Variants in NAV3 observed in about 807,000 individuals in gnomAD.
NAV3 encodes neuron navigator 3.
A neutral mutation model predicts 244.7 loss-of-function variants in NAV3; 87 were observed. That is an observed-to-expected ratio of 0.36 (90% CI 0.30 to 0.42). The LOEUF is 0.42. Ranked by LOEUF, NAV3 falls within the 20% of genes least tolerant of loss-of-function variation. The pLI is 1.00. For synonymous variants in NAV3, 1,126 were observed against 1,042.2 expected, an observed-to-expected ratio of 1.08 and a Z score of -1.55; for missense variants, 2,663 against 2,893.3, an observed-to-expected ratio of 0.92 and a Z score of 1.83.
chr12:78,186,994 A>G (rs1428275700), intron 31 of NAV3, among the ~76,000 whole-genome samples: 1 of 151,866 alleles, frequency 6.6e-6, no homozygotes, highest in Non-Finnish European at 1.5e-5. Context: ...TCCCACCATT[A>G]TGATTTCATT....
At chr12:77,778,387 T>A (rs890379065) in intron 2 of NAV3, among the ~76,000 whole-genome samples, 6 of 151,196 alleles carry the variant, frequency 4.0e-5, no homozygotes, top group African/African-American at 1.5e-4. Context: ...CCAAGGCAGG[T>A]GGATCACGAG....
At chr12:77,867,313 C>G (rs1880198351) in intron 1 of NAV3, among the ~76,000 whole-genome samples, 1 of 152,212 alleles carries the variant, frequency 6.6e-6, no homozygotes, top group Non-Finnish European at 1.5e-5. Flanking sequence ...CTTTCGCCTT[C>G]TGCCATGATT....
At chr12:77,792,203 T>G (rs1871208123) in intron 2 of NAV3, among the ~76,000 whole-genome samples, 1 of 152,232 alleles carries the variant, frequency 6.6e-6, no homozygotes, top group African/African-American at 2.4e-5. Flanking sequence ...CTGTTTGGAA[T>G]GCTGTATCCT....
At chr12:77,670,869 A>C (rs939877226) in intron 2 of NAV3, among the ~76,000 whole-genome samples, 1 of 152,158 alleles carries the variant, frequency 6.6e-6, no homozygotes, top group African/African-American at 2.4e-5. Context: ...TCTCCCTAAG[A>C]AGTGGAACAA....
chr12:78,127,110 TG>T lies in NAV3; in HGVS notation c.4239-56del, dbSNP rs1331442739. ...TTCAGAGAACCATTTTTGTTGGATGTGTAATTTGGAAGTTTTGTTTACATTA... is the reference window on the plus strand; with the variant it reads ...TTCAGAGAACCATTTTTGTTGGATGTTAATTTGGAAGTTTTGTTTACATTA... On this transcript the variant is annotated intron_variant, in intron 16 of 39. Transcript: ENST00000397909. 2.1e-5 allele frequency: 33 copies of T among 1,557,470 alleles called. No homozygotes were observed. The African/African-American group carries it at 3.8e-4, about 18-fold the overall frequency.
chr12:78,100,090 T>C lies in NAV3; in HGVS notation c.2637-16682T>C, dbSNP rs748679747. 2.8e-4 allele frequency among the ~76,000 whole-genome samples: 43 copies of C among 151,926 alleles called. 1 individual carries two copies. Among genetic ancestry groups the C allele is most frequent in the Non-Finnish European group, 8.8e-5 (6 of 67,818 alleles). On this transcript the variant is annotated intron_variant, in intron 12 of 39. Coordinates refer to ENST00000397909, the MANE Select transcript of NAV3 (RefSeq NM_001024383.2). ...TTGTTCTCTTTACTCAAAACCCACA[T>C]GGTATTAATGTTAGTCTCTATGAAT...
chr12:77,677,642 G>T (rs1874266128), intron 2 of NAV3, among the ~76,000 whole-genome samples: 1 of 152,192 alleles, frequency 6.6e-6, no homozygotes, highest in African/African-American at 2.4e-5. Flanking sequence ...GCCTGAAAGG[G>T]ATTGCTGAGA....
intron 2 of NAV3, among the ~76,000 whole-genome samples, chr12:77,792,829 T>G (rs1445682479): frequency 6.6e-6 from 1 of 152,188 alleles, no homozygotes; most frequent in African/African-American, 2.4e-5. Flanking sequence ...TGTCTGCCTC[T>G]AAGAAGCCCA....
chr12:78,175,386 G>A lies in NAV3; in HGVS notation c.5062G>A (p.Gly1688Ser), dbSNP rs554238941. The A allele has an allele frequency of 8.7e-6, 14 of 1,611,494 alleles. No individual in the cohort carries two copies. In the South Asian group the frequency reaches 1.3e-4, roughly 15 times the overall value. The change falls in exon 25 of 40, where the codon GGT (glycine) becomes AGT (serine). Residue 1688 changes from glycine (G) to serine (S), a missense_variant. Around this residue, in one of 6 missense-constraint regions of NAV3, gnomAD observed 193 missense variants for 200.7 expected, o/e 0.96. Coordinates refer to ENST00000397909, the MANE Select transcript of NAV3 (RefSeq NM_001024383.2). The part of the protein sequence containing the change: ...SATSHSSIGS[G>S]NDADSKKKKK... ...CACAAGCCATTCCAGTATTGGCAGT[G>A]GTAATGATGCCGACTCCAAGAAGAA...
At chr12:77,908,116 C>T (rs1391270107) in intron 1 of NAV3, among the ~76,000 whole-genome samples, 2 of 151,900 alleles carry the variant, frequency 1.3e-5, no homozygotes. Flanking sequence ...TATTTTAAAA[C>T]ATAATGAGCT....
chr12:78,157,482 G>T (rs935216690), intron 22 of NAV3, among the ~76,000 whole-genome samples: 1 of 151,946 alleles, frequency 6.6e-6, no homozygotes, highest in African/African-American at 2.4e-5. Flanking sequence ...GATCACTTTA[G>T]CCCAGGAGTT....
intron 2 of NAV3, among the ~76,000 whole-genome samples, chr12:77,675,325 T>A (rs1874158656): frequency 6.6e-6 from 1 of 152,158 alleles, no homozygotes; most frequent in African/African-American, 2.4e-5. Context: ...AGTCAACAGT[T>A]CTTAGAGTAC....
At chr12:77,741,760 G>A (rs1402381244) in intron 2 of NAV3, among the ~76,000 whole-genome samples, 2 of 152,160 alleles carry the variant, frequency 1.3e-5, no homozygotes, top group African/African-American at 2.4e-5. Flanking sequence ...TATTTTCTTA[G>A]GAATGTAGTT....
intron 1 of NAV3, among the ~76,000 whole-genome samples, chr12:77,857,659 A>C (rs1878596674): frequency 6.6e-6 from 1 of 151,834 alleles, no homozygotes. Flanking sequence ...TGAAAAAAAG[A>C]CTTTAGAAAA....
chr12:77,659,400 T>C (rs558657758), intron 2 of NAV3, among the ~76,000 whole-genome samples: 1 of 152,054 alleles, frequency 6.6e-6, no homozygotes, highest in African/African-American at 2.4e-5. Flanking sequence ...CAAATCAAAA[T>C]CACAATGAGA....
intron 37 of NAV3, 82 bp downstream of exon 37, chr12:78,199,613 A>G: frequency 9.5e-7 from 1 of 1,049,948 alleles, no homozygotes; most frequent in South Asian, 1.9e-5. Flanking sequence ...GGTAGAAAAT[A>G]ACAAGCAAAG....
At chr12:78,015,167 TTA>T (rs906003569) in intron 8 of NAV3, among the ~76,000 whole-genome samples, 1 of 127,938 alleles carries the variant, frequency 7.8e-6, no homozygotes, top group Non-Finnish European at 1.8e-5. Flanking sequence ...TCTTCATATT[TTA>T]TGTTATGTTT....
At chr12:78,022,864 G>A (rs888846410) in intron 9 of NAV3, among the ~76,000 whole-genome samples, 73 of 152,116 alleles carry the variant, frequency 4.8e-4, no homozygotes, top group African/African-American at 1.6e-3. Context: ...GTACATTTTG[G>A]AATCAGCATT....
intron 22 of NAV3, among the ~76,000 whole-genome samples, chr12:78,151,946 T>C (rs533683482): frequency 2.0e-5 from 3 of 151,602 alleles, no homozygotes; most frequent in African/African-American, 7.2e-5. Context: ...ATATGAAGTG[T>C]TCTATCATAA....
Sources: gnomAD v4.1 joint callset for allele counts (sites outside exome capture counted in the v4.1 genomes callset) on GRCh38, gnomAD v4.1.1 for gene constraint, gnomAD v4.1.1 regional missense constraint, MANE v1.5 for transcripts, NCBI Gene and HGNC (gene_info 2026-07-23, HGNC 2026-07-21) for gene names.